ITPR2: variants seen among roughly 807,000 people sequenced by gnomAD.
ITPR2 encodes the protein inositol 1,4,5-trisphosphate-gated calcium channel ITPR2.
ITPR2 carries 207 observed loss-of-function variants against 317.1 expected under a neutral mutation model. The observed-to-expected ratio is 0.65, with a 90% CI of 0.58 to 0.73. The LOEUF (loss-of-function observed/expected upper bound fraction) is 0.73. Among genes scored for constraint, ITPR2 ranks in the 30% least tolerant of loss-of-function variants. The probability of loss-of-function intolerance (pLI) is 0.00; values close to 1 mark genes in which losing one functional copy is unlikely to be tolerated. For missense variants in ITPR2, 2,613 were observed against 3,284.0 expected (o/e 0.80, Z 4.99); for synonymous variants, 1,156 against 1,149.1 (o/e 1.01, Z -0.12).
chr12:26,700,033 G>A (rs1231806386), intron 9 of ITPR2, among the ~76,000 whole-genome samples: 2 of 152,100 alleles, frequency 1.3e-5, no homozygotes, highest in African/African-American at 4.8e-5. Context: ...TGGTATTTTA[G>A]CAAAGACAAA....
At chr12:26,595,667 C>T (rs1265943114) in intron 31 of ITPR2, 77 bp from the exon 32 acceptor site, 3 of 1,191,192 alleles carry the variant, frequency 2.5e-6, no homozygotes, top group South Asian at 1.6e-5. Context: ...GAAAGGTTAA[C>T]ATAAAATCTG....
At chr12:26,770,929 C>T (rs1949827972) in intron 2 of ITPR2, among the ~76,000 whole-genome samples, 1 of 152,144 alleles carries the variant, frequency 6.6e-6, no homozygotes, top group African/African-American at 2.4e-5. Context: ...AAATCTTTTG[C>T]CTCTTCCAGC....
intron 1 of ITPR2, among the ~76,000 whole-genome samples, chr12:26,803,952 T>G (rs1950600825): frequency 6.6e-6 from 1 of 152,158 alleles, no homozygotes; most frequent in African/African-American, 2.4e-5. Flanking sequence ...ATCTGATCAT[T>G]ACACATTATA....
At chr12:26,474,348 T>C (rs561463307) in intron 45 of ITPR2, among the ~76,000 whole-genome samples, 1 of 152,314 alleles carries the variant, frequency 6.6e-6, no homozygotes, top group East Asian at 1.9e-4. Context: ...CAAAATCAAA[T>C]TGGCAAATGC....
At position 26,795,860 on chromosome 12, in the gene ITPR2, T is replaced by C. The variant is rs550080143; in HGVS notation, c.93-5633A>G. Among the ~76,000 whole-genome samples, 41 of 152,202 alleles carry C rather than the reference T, an allele frequency of 2.7e-4. No individual in the cohort carries two copies. In the South Asian group the frequency reaches 8.5e-3, roughly 32 times the overall value. The stretch of plus-strand genomic sequence containing the variant: ...ATTAGCAGGGCGTGGTGGCACGACC[T>C]GTAATCCCAGCTACTCTGGAGACTG... On this transcript the variant is annotated intron_variant, in intron 1 of 56. Coordinates refer to ENST00000381340, the MANE Select transcript of ITPR2 (RefSeq NM_002223.4).
chr12:26,522,920 C>T (rs1374183595), intron 37 of ITPR2, among the ~76,000 whole-genome samples: 1 of 152,218 alleles, frequency 6.6e-6, no homozygotes, highest in Non-Finnish European at 1.5e-5. Flanking sequence ...GAACTGTACA[C>T]CTAATCCCTG....
chr12:26,722,513 T>G lies in ITPR2; in HGVS notation c.409A>C (p.Arg137=). Residue 137 remains arginine, a synonymous_variant, in exon 5 of 57, where the codon AGA becomes CGA. Coordinates refer to ENST00000381340, the MANE Select transcript of ITPR2 (RefSeq NM_002223.4). ...KSNKYLTVNK[R]LPALLEKNAM... Reference sequence around the variant, plus strand: ...TTCTTCTCCAGTAAAGCAGGTAATCTCTTGTTGACAGTAAGATATTTGTTG... The same window carrying G: ...TTCTTCTCCAGTAAAGCAGGTAATCGCTTGTTGACAGTAAGATATTTGTTG... 1.2e-6 allele frequency: 2 copies of G among 1,613,136 alleles called. No homozygotes were observed. The highest frequency in any genetic ancestry group is 1.7e-6 in the Non-Finnish European group (2 of 1,179,376).
intron 39 of ITPR2, among the ~76,000 whole-genome samples, chr12:26,493,471 T>C (rs1217984011): frequency 6.6e-6 from 1 of 152,152 alleles, no homozygotes; most frequent in Non-Finnish European, 1.5e-5. Context: ...GACAGCTACA[T>C]AGGAGGAATA....
At chr12:26,682,477 G>T in intron 12 of ITPR2, 97 bp downstream of exon 12, 1 of 737,758 alleles carries the variant, frequency 1.4e-6, no homozygotes. Context: ...TATTGGTGAA[G>T]ATGGAGTATA....
intron 23 of ITPR2, among the ~76,000 whole-genome samples, chr12:26,627,735 A>G (rs1206204566): frequency 6.6e-6 from 1 of 152,120 alleles, no homozygotes; most frequent in African/African-American, 2.4e-5. Flanking sequence ...GAACACATGG[A>G]CACAGGGAGG....
Position 26,624,361 on chromosome 12 carries a change from A to G in ITPR2, c.3065-5T>C. 1 of 1,601,536 alleles carries G rather than the reference A, an allele frequency of 6.2e-7. No individual in the cohort carries two copies. The highest frequency in any genetic ancestry group is 8.5e-7 in the Non-Finnish European group (1 of 1,171,544). On this transcript the variant is annotated splice_region_variant and splice_polypyrimidine_tract_variant and intron_variant, in intron 23 of 56. Coordinates refer to ENST00000381340, the MANE Select transcript of ITPR2 (RefSeq NM_002223.4). ...CATCTATATCAGGAACAATAGCTGC[A>G]AAGATAAATGGTAAAATCTCTTCTT...
At chr12:26,518,035 A>C (rs1293747023) in intron 37 of ITPR2, among the ~76,000 whole-genome samples, 1 of 152,234 alleles carries the variant, frequency 6.6e-6, no homozygotes, top group Non-Finnish European at 1.5e-5. Flanking sequence ...TGCCCAAAGG[A>C]ATATAAATTA....
intron 2 of ITPR2, among the ~76,000 whole-genome samples, chr12:26,737,011 C>T (rs1414584234): frequency 6.6e-6 from 1 of 152,152 alleles, no homozygotes; most frequent in Non-Finnish European, 1.5e-5. Context: ...TAAACTTCTA[C>T]ATGTAAACGA....
At chr12:26,608,884 C>T (rs1946200223) in intron 26 of ITPR2, among the ~76,000 whole-genome samples, 2 of 151,120 alleles carry the variant, frequency 1.3e-5, no homozygotes, top group South Asian at 4.2e-4. Context: ...AAAAACTCAA[C>T]AGTATTATGT....
intron 20 of ITPR2, 36 bp from the exon 21 acceptor site, chr12:26,654,162 G>GA (rs1947324614): frequency 6.7e-7 from 1 of 1,498,650 alleles, no homozygotes. Flanking sequence ...GGGGGAGGGT[G>GA]AAAGAGTGGA....
chr12:26,599,385 T>C (rs1945937067), intron 29 of ITPR2, 40 bp from the exon 30 acceptor site: 3 of 1,567,310 alleles, frequency 1.9e-6, no homozygotes, highest in East Asian at 2.2e-5. Context: ...TCTGACAAGA[T>C]CAATTTTCTA....
chr12:26,681,095 A>G (rs943557234), intron 13 of ITPR2, among the ~76,000 whole-genome samples: 2 of 152,204 alleles, frequency 1.3e-5, no homozygotes, highest in Non-Finnish European at 2.9e-5. Flanking sequence ...GAGAGGAAAT[A>G]CAGAGGATGC....
intron 21 of ITPR2, among the ~76,000 whole-genome samples, chr12:26,643,932 T>G (rs1591991505): frequency 6.6e-6 from 1 of 152,116 alleles, no homozygotes; most frequent in South Asian, 2.1e-4. Context: ...AAAAGTCTGT[T>G]TGGAAGTGTG....
chr12:26,335,970 A>C lies in ITPR2; in HGVS notation c.*3427T>G, dbSNP rs1937902128. 1 of 152,234 alleles carries C rather than the reference A, an allele frequency of 6.6e-6. No individual in the cohort carries two copies. Among genetic ancestry groups the C allele is most frequent in the Non-Finnish European group, 1.5e-5 (1 of 68,064 alleles). The allele number at this position is 152,234 out of a possible 1,614,324, so 9.4% of individuals were successfully genotyped here. On this transcript the variant is annotated 3_prime_UTR_variant, in exon 57 of 57. Coordinates refer to ENST00000381340, the MANE Select transcript of ITPR2 (RefSeq NM_002223.4). ...GGCTTTAACAGCCGCTGGAAGGAACACACCATCTTATGGTAGTTGCTCTTC... is the reference window on the plus strand; with the variant it reads ...GGCTTTAACAGCCGCTGGAAGGAACCCACCATCTTATGGTAGTTGCTCTTC...
Sources: allele counts gnomAD v4.1 joint callset (sites outside exome capture counted in the v4.1 genomes callset), GRCh38; gene constraint gnomAD v4.1.1; transcripts MANE v1.5; gene names NCBI Gene and HGNC (gene_info 2026-07-23, HGNC 2026-07-21).